The following ARHGEF12 variants were observed in gnomAD, a reference collection of about 807,000 sequenced individuals.
ARHGEF12 encodes Rho guanine nucleotide exchange factor 12.
In ARHGEF12, 66 loss-of-function variants were observed where a neutral mutation model predicts 211.2. The ratio of observed to expected loss-of-function variants is 0.31; its 90% confidence interval spans 0.26 to 0.38. ARHGEF12 has a LOEUF of 0.38. Among genes scored for constraint, ARHGEF12 ranks in the 10% least tolerant of loss-of-function variants. The probability of loss-of-function intolerance (pLI) is 1.00; values close to 1 mark genes in which losing one functional copy is unlikely to be tolerated. For synonymous variants in ARHGEF12, 592 were observed against 638.4 expected, an observed-to-expected ratio of 0.93 and a Z score of 1.09; for missense variants, 1,429 against 1,869.5, an observed-to-expected ratio of 0.76 and a Z score of 4.34.
chr11:120,350,350 C>T (rs1311761983), intron 1 of ARHGEF12, among the ~76,000 whole-genome samples: 2 of 152,018 alleles, frequency 1.3e-5, no homozygotes, highest in East Asian at 3.9e-4. Context: ...CCCATTTCTA[C>T]TAAAAATACG....
intron 1 of ARHGEF12, among the ~76,000 whole-genome samples, chr11:120,339,241 G>T (rs1210355885): frequency 1.3e-5 from 2 of 151,280 alleles, no homozygotes; most frequent in African/African-American, 4.9e-5. Context: ...TTTTTATTAA[G>T]AATTATTCTT....
At chr11:120,420,517 A>T (rs1243000682) in intron 4 of ARHGEF12, among the ~76,000 whole-genome samples, 12 of 152,156 alleles carry the variant, frequency 7.9e-5, no homozygotes, top group African/African-American at 2.9e-4. Flanking sequence ...AGCTGTTTTT[A>T]ATATTGGAGC....
At chr11:120,406,437 T>A (rs1376456113) in intron 2 of ARHGEF12, among the ~76,000 whole-genome samples, 1 of 152,176 alleles carries the variant, frequency 6.6e-6, no homozygotes, top group Non-Finnish European at 1.5e-5. Context: ...GAATTATGAG[T>A]AGCTTAGGAG....
chr11:120,433,153 A>C (rs1471973570), intron 11 of ARHGEF12, among the ~76,000 whole-genome samples: 1 of 152,228 alleles, frequency 6.6e-6, no homozygotes, highest in Admixed American at 6.5e-5. Flanking sequence ...TTGAGGCCAA[A>C]GGGAGTTAAC....
chr11:120,430,102 A>G (rs977908303), intron 10 of ARHGEF12, among the ~76,000 whole-genome samples: 10 of 151,902 alleles, frequency 6.6e-5, no homozygotes, highest in African/African-American at 2.2e-4. Flanking sequence ...AACTACTAAA[A>G]TGTATTTAGA....
At chr11:120,478,505 T>C in intron 37 of ARHGEF12, 116 bp downstream of exon 37, 1 of 1,010,580 alleles carries the variant, frequency 9.9e-7, no homozygotes, top group African/African-American at 1.6e-5. Context: ...ATTGTGGAGA[T>C]TATAGTATTC....
At chr11:120,430,624 TA>T (rs1437132903) in intron 10 of ARHGEF12, among the ~76,000 whole-genome samples, 1 of 152,214 alleles carries the variant, frequency 6.6e-6, no homozygotes, top group African/African-American at 2.4e-5. Flanking sequence ...AAATTGCCTA[TA>T]CATTTAAAAT....
At chr11:120,417,271 A>G (rs1945059283) in intron 4 of ARHGEF12, among the ~76,000 whole-genome samples, 2 of 152,120 alleles carry the variant, frequency 1.3e-5, no homozygotes, top group Admixed American at 6.5e-5. Flanking sequence ...CACCCATATT[A>G]GAAACCTTTA....
At chr11:120,477,377 T>C in intron 35 of ARHGEF12, 70 bp from the exon 36 acceptor site, 10 of 1,602,802 alleles carry the variant, frequency 6.2e-6, no homozygotes, top group Non-Finnish European at 6.8e-6. Flanking sequence ...ATAATTATTA[T>C]GTTTTGTTGC....
At chr11:120,360,922 C>T (rs1430262544) in intron 1 of ARHGEF12, among the ~76,000 whole-genome samples, 1 of 152,092 alleles carries the variant, frequency 6.6e-6, no homozygotes, top group East Asian at 1.9e-4. Context: ...GGTCAGTTAG[C>T]AATAAAAGGG....
chr11:120,406,708 G>A (rs865920722), intron 2 of ARHGEF12, among the ~76,000 whole-genome samples: 5 of 151,998 alleles, frequency 3.3e-5, no homozygotes, highest in Non-Finnish European at 7.4e-5. Context: ...ACAGGCGCCC[G>A]CCACCACGCC....
At position 120,347,270 on chromosome 11, in the gene ARHGEF12, CTGTGTGTG is replaced by C. The variant is rs55651421; in HGVS notation, c.32+10025_32+10032del. On this transcript the variant is annotated intron_variant, in intron 1 of 40. Coordinates refer to ENST00000397843, the MANE Select transcript of ARHGEF12 (RefSeq NM_015313.3). ...TTTCTCTCTCTCTCTCTCTCTCTGTCTGTGTGTGTGTGTGTGTGTGTGTGTGTGTGTGT... is the reference window on the plus strand; with the variant it reads ...TTTCTCTCTCTCTCTCTCTCTCTGTCTGTGTGTGTGTGTGTGTGTGTGTGT... Among the ~76,000 whole-genome samples the C allele has an allele frequency of 2.6e-4, 21 of 79,876 alleles. 1 individual carries two copies. Among genetic ancestry groups the C allele is most frequent in the South Asian group, 1.3e-3 (4 of 3,108 alleles). 52.4% of individuals were successfully genotyped at this position (79,876 alleles called of 152,430 possible).
chr11:120,459,457 T>C (rs1946458229), intron 26 of ARHGEF12, 137 bp downstream of exon 26: 3 of 923,454 alleles, frequency 3.2e-6, no homozygotes, highest in Non-Finnish European at 4.6e-6. Context: ...AAAGGAATGA[T>C]TGGAACTTTG....
At chr11:120,389,739 T>G (rs1158590916) in intron 1 of ARHGEF12, among the ~76,000 whole-genome samples, 3 of 152,226 alleles carry the variant, frequency 2.0e-5, no homozygotes, top group East Asian at 1.9e-4. Flanking sequence ...TTCAGTTGTT[T>G]TAATTTTTAG....
At position 120,409,452 on chromosome 11, in the gene ARHGEF12, T is replaced by C; in HGVS notation, c.199+2T>C. ...AGGAGAGTAGATCCGAGATATATGGTAAGCTAATGTAGCTAATTCAGCCTT... is the reference window on the plus strand; with the variant it reads ...AGGAGAGTAGATCCGAGATATATGGCAAGCTAATGTAGCTAATTCAGCCTT... On this transcript the variant is annotated splice_donor_variant, in intron 4 of 40. Coordinates refer to ENST00000397843, the MANE Select transcript of ARHGEF12 (RefSeq NM_015313.3). LOFTEE classifies it high-confidence loss of function. 6.2e-7 allele frequency: 1 copy of C among 1,613,750 alleles called. No homozygotes were observed. Among genetic ancestry groups the C allele is most frequent in the Non-Finnish European group, 8.5e-7 (1 of 1,179,778 alleles).
chr11:120,340,607 T>TA (rs547585881), intron 1 of ARHGEF12, among the ~76,000 whole-genome samples: 86 of 148,564 alleles, frequency 5.8e-4, no homozygotes, highest in East Asian at 4.7e-3. Context: ...TGGTTTTGAT[T>TA]AAAAAAAAAA....
At chr11:120,386,675 C>A (rs1197512898) in intron 1 of ARHGEF12, among the ~76,000 whole-genome samples, 1 of 152,050 alleles carries the variant, frequency 6.6e-6, no homozygotes, top group Non-Finnish European at 1.5e-5. Flanking sequence ...ATAAGTATTG[C>A]AGTGTTATAT....
At chr11:120,482,542 G>A (rs558586081) in intron 39 of ARHGEF12, among the ~76,000 whole-genome samples, 53 of 152,144 alleles carry the variant, frequency 3.5e-4, no homozygotes, top group African/African-American at 1.2e-3. Context: ...TCAGGAGATC[G>A]AGACCATCCT....
At chr11:120,412,881 G>C (rs567577133) in intron 4 of ARHGEF12, among the ~76,000 whole-genome samples, 2 of 152,186 alleles carry the variant, frequency 1.3e-5, no homozygotes, top group East Asian at 3.9e-4. Context: ...CTATTTGCCA[G>C]GTCCCCTTGA....
Sources: allele counts gnomAD v4.1 joint callset (sites outside exome capture counted in the v4.1 genomes callset), GRCh38; gene constraint gnomAD v4.1.1; transcripts MANE v1.5; gene names NCBI Gene and HGNC (gene_info 2026-07-23, HGNC 2026-07-21).